The following WWTR1 variants were observed in gnomAD, a reference collection of about 807,000 sequenced individuals.
The protein encoded by WWTR1 is WW domain containing transcription regulator 1.
Under a neutral mutation model 40.1 loss-of-function variants are expected in WWTR1, and 13 were observed. The observed-to-expected ratio is 0.32, with a 90% CI of 0.21 to 0.52. The LOEUF (loss-of-function observed/expected upper bound fraction) is 0.52, where lower values mean the gene tolerates loss of function less well. Ranked by LOEUF, WWTR1 falls within the 20% of genes least tolerant of loss-of-function variation. The pLI is 0.97. For synonymous variants in WWTR1, 230 were observed against 210.1 expected (o/e 1.09, Z -0.82); for missense variants, 436 against 523.1 (o/e 0.83, Z 1.63).
rs145588471 is a variant in WWTR1 at position 149,573,404 on chromosome 3, A to G, written c.432-404T>C. Reference sequence around the variant, plus strand: ...TGCTCACCTTCCCAGCCAGTACCCCATACTCTCCTGACTCATAGAATTGAC... The same window carrying G: ...TGCTCACCTTCCCAGCCAGTACCCCGTACTCTCCTGACTCATAGAATTGAC... On this transcript the variant is annotated intron_variant, in intron 2 of 6. Coordinates refer to ENST00000360632, the MANE Select transcript of WWTR1 (RefSeq NM_015472.6). 2.0e-3 allele frequency among the ~76,000 whole-genome samples: 304 copies of G among 152,120 alleles called. 2 individuals are homozygous for G. The East Asian group carries it at 0.026, about 13-fold the overall frequency.
chr3:149,668,111 CTGGTTAA>C (rs1282966647), intron 2 of WWTR1, among the ~76,000 whole-genome samples: 1 of 152,116 alleles, frequency 6.6e-6, no homozygotes, highest in African/African-American at 2.4e-5. Context: ...AAAAATAATA[CTGGTTAA>C]TGGCTTTTAG....
Position 149,628,579 on chromosome 3 carries a change from T to C in WWTR1, c.431+28297A>G, listed in dbSNP as rs983352933. 3.3e-5 allele frequency among the ~76,000 whole-genome samples: 5 copies of C among 152,310 alleles called. No individual in the cohort carries two copies. The South Asian group carries it at 8.3e-4, about 25-fold the overall frequency. On this transcript the variant is annotated intron_variant, in intron 2 of 6. Transcript: ENST00000360632. ...CTTTTTCGGTATCGTGGAGCACATATATCCTTGTCCGCAGGATAGACTAGG... is the reference window on the plus strand; with the variant it reads ...CTTTTTCGGTATCGTGGAGCACATACATCCTTGTCCGCAGGATAGACTAGG...
intron 3 of WWTR1, among the ~76,000 whole-genome samples, chr3:149,569,133 C>G (rs1737504026): frequency 6.6e-6 from 1 of 152,166 alleles, no homozygotes; most frequent in African/African-American, 2.4e-5. Context: ...GTAACTTAAA[C>G]ATTTCCACCA....
At position 149,640,010 on chromosome 3, in the gene WWTR1, AAAAGAAAG is replaced by A. The variant is rs1179547242; in HGVS notation, c.431+16858_431+16865del. The stretch of plus-strand genomic sequence containing the variant: ...CTCCGTCTCAAAAAAAAAAAAAAAA[AAAAGAAAG>A]AAAGAAAGAAAGAAAGAAAGAAAAA... On this transcript the variant is annotated intron_variant, in intron 2 of 6. Transcript: ENST00000360632. Among the ~76,000 whole-genome samples the A allele has an allele frequency of 1.8e-3, 256 of 140,396 alleles. 2 individuals carry two copies. Among genetic ancestry groups the A allele is most frequent in the African/African-American group, 7.1e-3 (231 of 32,358 alleles). The allele number at this position is 140,396 out of a possible 152,430, so 92.1% of individuals were successfully genotyped here. A position where few individuals can be genotyped will look rare whatever the true frequency, so the allele number is the denominator to read the frequency against.
intron 2 of WWTR1, among the ~76,000 whole-genome samples, chr3:149,577,325 T>C (rs2108005983): frequency 1.3e-5 from 2 of 152,266 alleles, no homozygotes; most frequent in South Asian, 4.1e-4. Flanking sequence ...AAAGCTTTTC[T>C]TGACAGTAAA....
At chr3:149,525,974 C>A in intron 6 of WWTR1, 39 bp downstream of exon 6, 1 of 1,266,090 alleles carries the variant, frequency 7.9e-7, no homozygotes, top group Non-Finnish European at 1.1e-6. Flanking sequence ...ATTTAAAAAA[C>A]ACAAACCCAT....
rs539293136 is a variant in WWTR1 at position 149,570,354 on chromosome 3, G to A, written c.568+2510C>T. ...GAGGCTGAGGCAAGCGGATCGCCAG[G>A]GGTCAGGAGTTCGGGACCAACTTGG... On this transcript the variant is annotated intron_variant, in intron 3 of 6. Coordinates refer to ENST00000360632, the MANE Select transcript of WWTR1 (RefSeq NM_015472.6). Among the ~76,000 whole-genome samples the A allele has an allele frequency of 3.7e-3, 567 of 152,156 alleles. 1 individual carries two copies. The highest frequency in any genetic ancestry group is 5.5e-3 in the Non-Finnish European group (372 of 67,976).
intron 6 of WWTR1, 53 bp downstream of exon 6, chr3:149,525,960 G>C: frequency 9.9e-7 from 1 of 1,014,888 alleles, no homozygotes; most frequent in Admixed American, 2.6e-5. Context: ...TAACCGAAGA[G>C]ATCATTTAAA....
At chr3:149,563,140 C>G (rs1737161473) in intron 3 of WWTR1, among the ~76,000 whole-genome samples, 1 of 152,138 alleles carries the variant, frequency 6.6e-6, no homozygotes, top group African/African-American at 2.4e-5. Flanking sequence ...TTAAAACTCT[C>G]AACAGAGGTC....
In WWTR1 at chr3:149,682,026, C is replaced by T. The variant is rs565779745; in HGVS notation, c.-107-12135G>A. Among the ~76,000 whole-genome samples the T allele has an allele frequency of 1.8e-4, 27 of 152,172 alleles. No homozygotes were observed. The South Asian group carries it at 5.2e-3, about 29-fold the overall frequency. On this transcript the variant is annotated intron_variant, in intron 1 of 7. Coordinates refer to the WWTR1 transcript ENST00000465804. ...ACTTAAAAATCTGTTAAGAGGGTAG[C>T]TCTCATGTTAAATGTTCTTACTACA... is the stretch of plus-strand genomic sequence containing the variant.
chr3:149,713,879 G>A (rs907520463), intron 5 of WWTR1, among the ~76,000 whole-genome samples: 6 of 152,172 alleles, frequency 3.9e-5, no homozygotes, highest in African/African-American at 1.4e-4. Flanking sequence ...CGTGCAGTTG[G>A]GTGGGACTTG....
chr3:149,520,923 T>A lies in WWTR1; in HGVS notation c.1085A>T (p.Asp362Val). Residue 362 changes from aspartate to valine, a missense_variant, in exon 7 of 7, where the codon GAC (aspartate) becomes GTC (valine). Coordinates refer to ENST00000360632, the MANE Select transcript of WWTR1 (RefSeq NM_015472.6). ...PQQTRFPDFL[D>V]CLPGTNVDLG... The stretch of plus-strand genomic sequence containing the variant: ...GTCAACGTTTGTTCCTGGAAGACAG[T>A]CAAGGAAATCAGGGAAACGGGTCTG... 6.2e-7 allele frequency: 1 copy of A among 1,613,520 alleles called. No individual in the cohort carries two copies. The highest frequency in any genetic ancestry group is 8.5e-7 in the Non-Finnish European group (1 of 1,179,756).
intron 1 of WWTR1, among the ~76,000 whole-genome samples, chr3:149,695,555 G>A (rs1714956752): frequency 6.6e-6 from 1 of 151,700 alleles, no homozygotes; most frequent in African/African-American, 2.4e-5. Context: ...GAGGTCAGGA[G>A]TTTGAGATCA....
intron 1 of WWTR1, among the ~76,000 whole-genome samples, chr3:149,684,507 CCTCTT>C (rs1349759308): frequency 6.6e-6 from 1 of 151,994 alleles, no homozygotes; most frequent in African/African-American, 2.4e-5. Flanking sequence ...CCTTGACTCT[CCTCTT>C]CTCAGTCTAT....
chr3:149,709,436 A>C (rs1405898598), intron 5 of WWTR1, among the ~76,000 whole-genome samples: 1 of 152,096 alleles, frequency 6.6e-6, no homozygotes, highest in Non-Finnish European at 1.5e-5. Context: ...ATGTATGTTC[A>C]AATTATTTGC....
At position 149,558,406 on chromosome 3, in the gene WWTR1, G is replaced by A. The variant is rs1050565631; in HGVS notation, c.568+14458C>T. ...TTTTACTTGTTAGTCATCCCGAGGG[G>A]AAGAGTTTACATGATTTTAGGCCAT... On this transcript the variant is annotated intron_variant, in intron 3 of 6. Coordinates refer to ENST00000360632, the MANE Select transcript of WWTR1 (RefSeq NM_015472.6). Among the ~76,000 whole-genome samples, 13 of 152,312 alleles carry A rather than the reference G, an allele frequency of 8.5e-5. 1 individual carries two copies. The highest frequency in any genetic ancestry group is 5.9e-4 in the Admixed American group (9 of 15,302).
At chr3:149,687,032 G>C (rs1307279159) in intron 1 of WWTR1, among the ~76,000 whole-genome samples, 1 of 152,130 alleles carries the variant, frequency 6.6e-6, no homozygotes, top group Non-Finnish European at 1.5e-5. Flanking sequence ...CAGACTGCAG[G>C]AACTGAAAAT....
chr3:149,599,222 A>C (rs1158896013), intron 2 of WWTR1, among the ~76,000 whole-genome samples: 1 of 152,242 alleles, frequency 6.6e-6, no homozygotes, highest in Non-Finnish European at 1.5e-5. Flanking sequence ...TGGGGAAAGC[A>C]ATGGGTCCAA....
chr3:149,619,760 G>A (rs1361009210), intron 2 of WWTR1, among the ~76,000 whole-genome samples: 2 of 152,186 alleles, frequency 1.3e-5, no homozygotes, highest in African/African-American at 4.8e-5. Flanking sequence ...TGAACTGACT[G>A]CCAAGGGACA....
Sources: gnomAD v4.1 joint callset for allele counts (sites outside exome capture counted in the v4.1 genomes callset) on GRCh38, gnomAD v4.1.1 for gene constraint, MANE v1.5 for transcripts, NCBI Gene and HGNC (gene_info 2026-07-23, HGNC 2026-07-21) for gene names.